The following ANXA7 variants were observed in gnomAD, a reference collection of about 807,000 sequenced individuals.
The protein encoded by ANXA7 is annexin VII.
In ANXA7, 55 loss-of-function variants were observed where a neutral mutation model predicts 64.9. The observed-to-expected ratio is 0.85, with a 90% CI of 0.68 to 1.06. The LOEUF (loss-of-function observed/expected upper bound fraction) is 1.06. ANXA7 is among the 50% of genes least tolerant of loss of function. The probability of loss-of-function intolerance (pLI) is 0.00; values close to 1 mark genes in which losing one functional copy is unlikely to be tolerated. For missense variants in ANXA7, 548 were observed against 582.1 expected, an observed-to-expected ratio of 0.94 and a Z score of 0.60; for synonymous variants, 200 against 192.4, an observed-to-expected ratio of 1.04 and a Z score of -0.33.
intron 11 of ANXA7, 151 bp downstream of exon 11, chr10:73,379,724 AAAAC>A: frequency 1.4e-6 from 1 of 734,330 alleles, no homozygotes; most frequent in Non-Finnish European, 2.3e-6. Flanking sequence ...TCCAATAAAG[AAAAC>A]AAACAACAAA....
At chr10:73,377,163 T>G (rs1464113120) in intron 12 of ANXA7, among the ~76,000 whole-genome samples, 2 of 152,252 alleles carry the variant, frequency 1.3e-5, no homozygotes, top group Non-Finnish European at 2.9e-5. Context: ...ATGTATATTT[T>G]ATCACAACTT....
At chr10:73,392,372 A>C (rs954236898) in intron 5 of ANXA7, among the ~76,000 whole-genome samples, 2 of 151,870 alleles carry the variant, frequency 1.3e-5, no homozygotes, top group Non-Finnish European at 2.9e-5. Context: ...CATCATGATA[A>C]CAAAGCCTGG....
At chr10:73,409,489 G>A (rs150390752) in intron 1 of ANXA7, among the ~76,000 whole-genome samples, 509 of 152,150 alleles carry the variant, frequency 3.3e-3, no homozygotes, top group Non-Finnish European at 5.5e-3. Flanking sequence ...TCTACAAGGA[G>A]AACTACAAAA....
At chr10:73,376,613 C>G (rs1040034044) in intron 12 of ANXA7, among the ~76,000 whole-genome samples, 3 of 152,088 alleles carry the variant, frequency 2.0e-5, no homozygotes, top group Non-Finnish European at 4.4e-5. Context: ...GTTAATTCCT[C>G]AAAGCAAAAC....
intron 1 of ANXA7, among the ~76,000 whole-genome samples, chr10:73,401,292 T>C (rs924831576): frequency 1.3e-5 from 2 of 151,238 alleles, no homozygotes; most frequent in East Asian, 3.9e-4. Context: ...ACACAAGGTT[T>C]TATGCAAAAT....
In ANXA7 at chr10:73,396,578, A is replaced by C; in HGVS notation, c.376T>G (p.Phe126Val). Residue 126 changes from phenylalanine (F) to valine (V), a missense_variant, in exon 5 of 13, where the codon TTT becomes GTT. By Grantham distance (50) the Phe-to-Val change is conservative (BLOSUM62 -1). Coordinates refer to ENST00000372921, the MANE Select transcript of ANXA7 (RefSeq NM_001156.5). ...TGAGAAGGCATCTGTCCTCCAGGAAAGCCACCTATAATGTTAAAAAAAATA... is the reference window on the plus strand; with the variant it reads ...TGAGAAGGCATCTGTCCTCCAGGAACGCCACCTATAATGTTAAAAAAAATA... ...GPAQVPLPGG[F>V]PGGQMPSQYP... 1 of 1,605,986 alleles carries C rather than the reference A, an allele frequency of 6.2e-7. No homozygotes were observed. The highest frequency in any genetic ancestry group is 1.1e-5 in the South Asian group (1 of 90,252).
chr10:73,393,641 A>G (rs530538148), intron 5 of ANXA7, among the ~76,000 whole-genome samples: 1 of 152,320 alleles, frequency 6.6e-6, no homozygotes, highest in African/African-American at 2.4e-5. Context: ...GGTGCTGGGA[A>G]AACTGGCTAG....
intron 5 of ANXA7, among the ~76,000 whole-genome samples, chr10:73,392,071 C>G (rs1310951491): frequency 6.6e-6 from 1 of 152,074 alleles, no homozygotes; most frequent in Non-Finnish European, 1.5e-5. Context: ...AGGATGAACA[C>G]CTCTATGCAA....
At chr10:73,405,354 C>T (rs1376316406) in intron 1 of ANXA7, among the ~76,000 whole-genome samples, 1 of 150,658 alleles carries the variant, frequency 6.6e-6, no homozygotes, top group East Asian at 2.0e-4. Context: ...CCAGCCTGGC[C>T]AACATGGTGA....
At chr10:73,397,448 A>AT (rs1299939591) in intron 3 of ANXA7, among the ~76,000 whole-genome samples, 174 bp from the exon 4 acceptor site, 1 of 152,060 alleles carries the variant, frequency 6.6e-6, no homozygotes, top group Non-Finnish European at 1.5e-5. Flanking sequence ...AAGTTTTTAA[A>AT]TTTTTACCTT....
chr10:73,387,437 C>T (rs1207967190), intron 7 of ANXA7, among the ~76,000 whole-genome samples: 2 of 152,170 alleles, frequency 1.3e-5, no homozygotes, highest in Non-Finnish European at 2.9e-5. Context: ...ATTGCTTGAA[C>T]TCGGGAAGCA....
At chr10:73,399,807 C>T (rs532938394) in intron 2 of ANXA7, among the ~76,000 whole-genome samples, 9 of 150,864 alleles carry the variant, frequency 6.0e-5, no homozygotes, top group Admixed American at 1.3e-4. Flanking sequence ...GGTGACAGAG[C>T]GAGACTCCAT....
chr10:73,393,541 C>T (rs898305593), intron 5 of ANXA7, among the ~76,000 whole-genome samples: 10 of 152,150 alleles, frequency 6.6e-5, no homozygotes, highest in Admixed American at 6.6e-4. Flanking sequence ...ACAGAGCCCT[C>T]AGAAGTAATA....
chr10:73,412,788 G>C (rs1377134621), intron 1 of ANXA7, among the ~76,000 whole-genome samples: 1 of 144,078 alleles, frequency 6.9e-6, no homozygotes, highest in Non-Finnish European at 1.5e-5. Context: ...GAGCCACCGC[G>C]CTCGGGCTTT....
At chr10:73,387,868 TGAG>T in intron 6 of ANXA7, 85 bp from the exon 7 acceptor site, 1 of 962,966 alleles carries the variant, frequency 1.0e-6, no homozygotes. Context: ...TTTTTTTTTT[TGAG>T]ACGGAGTTTG....
At chr10:73,379,517 G>A (rs1009873482) in intron 11 of ANXA7, among the ~76,000 whole-genome samples, 7 of 152,142 alleles carry the variant, frequency 4.6e-5, no homozygotes, top group East Asian at 1.9e-4. Context: ...AAACTGCTTC[G>A]TGGTGACACT....
At chr10:73,395,051 G>T (rs2055548295) in intron 5 of ANXA7, among the ~76,000 whole-genome samples, 1 of 152,000 alleles carries the variant, frequency 6.6e-6, no homozygotes, top group Non-Finnish European at 1.5e-5. Context: ...CTTCAACAAT[G>T]AAAAAAAGGA....
At chr10:73,402,211 C>G (rs2055677122) in intron 1 of ANXA7, among the ~76,000 whole-genome samples, 1 of 152,038 alleles carries the variant, frequency 6.6e-6, no homozygotes, top group Non-Finnish European at 1.5e-5. Context: ...ATTTTTGAGA[C>G]AAGGTCTTGC....
intron 1 of ANXA7, among the ~76,000 whole-genome samples, chr10:73,401,216 T>C (rs144199514): frequency 5.8e-4 from 88 of 152,066 alleles, no homozygotes; most frequent in African/African-American, 1.8e-3. Flanking sequence ...TAATTTCTTA[T>C]AATGGTTAAG....
Sources: allele counts gnomAD v4.1 joint callset (sites outside exome capture counted in the v4.1 genomes callset), GRCh38; gene constraint gnomAD v4.1.1; transcripts MANE v1.5; gene names NCBI Gene and HGNC (gene_info 2026-07-23, HGNC 2026-07-21).